CSMD3: variants seen among roughly 807,000 people sequenced by gnomAD.
CSMD3 encodes CUB and Sushi multiple domains 3, also known as CUB and sushi domain-containing protein 3.
Under a neutral mutation model 435.2 loss-of-function variants are expected in CSMD3, and 177 were observed. The observed-to-expected ratio is 0.41, with a 90% CI of 0.36 to 0.46. The LOEUF (loss-of-function observed/expected upper bound fraction) is 0.46, where lower values mean the gene tolerates loss of function less well. CSMD3 is among the 20% of genes least tolerant of loss of function. The pLI is 0.34. For synonymous variants in CSMD3, 1,656 were observed against 1,520.5 expected (o/e 1.09, Z -2.07); for missense variants, 4,265 against 4,504.6 (o/e 0.95, Z 1.52).
At chr8:113,361,118 C>G (rs1229971740) in intron 1 of CSMD3, among the ~76,000 whole-genome samples, 1 of 152,092 alleles carries the variant, frequency 6.6e-6, no homozygotes, top group Non-Finnish European at 1.5e-5. Context: ...GCTCCATCTG[C>G]TGGCTTTTGA....
chr8:113,355,795 T>TA (rs66729311), intron 1 of CSMD3, among the ~76,000 whole-genome samples: 1 of 117,868 alleles, frequency 8.5e-6, no homozygotes, highest in African/African-American at 3.4e-5. Context: ...GTGTGTGTGT[T>TA]TGTCAACTAT....
At chr8:112,854,404 G>T (rs557665373) in intron 11 of CSMD3, among the ~76,000 whole-genome samples, 10 of 152,252 alleles carry the variant, frequency 6.6e-5, no homozygotes, top group South Asian at 6.2e-4. Flanking sequence ...AGGGCAAGGG[G>T]TTGCTGCACT....
chr8:112,667,072 T>TCA (rs2075543768), intron 16 of CSMD3, among the ~76,000 whole-genome samples: 1 of 152,148 alleles, frequency 6.6e-6, no homozygotes, highest in South Asian at 2.1e-4. Context: ...TTCCCTAAGC[T>TCA]CACACACAAT....
At chr8:112,369,713 GAGTT>G (rs1219866393) in intron 38 of CSMD3, among the ~76,000 whole-genome samples, 1 of 151,862 alleles carries the variant, frequency 6.6e-6, no homozygotes, top group Admixed American at 6.6e-5. Context: ...GGCCTGTTGG[GAGTT>G]GGGGTGCAAG....
chr8:113,322,041 A>G (rs1169078726), intron 1 of CSMD3, among the ~76,000 whole-genome samples: 1 of 152,210 alleles, frequency 6.6e-6, no homozygotes, highest in East Asian at 1.9e-4. Context: ...CACCAAATTA[A>G]TGTACATACA....
chr8:112,745,489 G>A (rs955492494), intron 13 of CSMD3, among the ~76,000 whole-genome samples: 1 of 151,724 alleles, frequency 6.6e-6, no homozygotes, highest in Non-Finnish European at 1.5e-5. Context: ...CTTATAATTG[G>A]CTATGCTTTC....
At chr8:113,378,223 G>A (rs761157998) in intron 1 of CSMD3, among the ~76,000 whole-genome samples, 3 of 152,186 alleles carry the variant, frequency 2.0e-5, no homozygotes, top group Non-Finnish European at 2.9e-5. Flanking sequence ...ATGGTGTAAT[G>A]TGAAGATCCT....
rs1300131856 is a variant in CSMD3 at position 112,656,225 on chromosome 8, C to T, written c.2933G>A (p.Ser978Asn). 1.9e-6 allele frequency: 3 copies of T among 1,595,978 alleles called. No individual in the cohort carries two copies. The highest frequency in any genetic ancestry group is 1.1e-5 in the South Asian group (1 of 90,700). The change falls in exon 18 of 71, where the codon AGT (serine) becomes AAT (asparagine). Residue 978 changes from serine (S) to asparagine (N), a missense_variant. By Grantham distance (46) the Ser-to-Asn change is conservative. Coordinates refer to ENST00000297405, the MANE Select transcript of CSMD3 (RefSeq NM_198123.2). Reference sequence around the variant, plus strand: ...TGTAAATAGAAGGTATATAAAATTACTGCTACTAAATAGAAACTGGGGCAC... The same window carrying T: ...TGTAAATAGAAGGTATATAAAATTATTGCTACTAAATAGAAACTGGGGCAC... Reference protein sequence around the residue: ...TQVPQFLFSSSNFIYLLFTTD... With the variant: ...TQVPQFLFSSNNFIYLLFTTD...
chr8:112,786,438 A>C (rs2132269204), intron 13 of CSMD3, among the ~76,000 whole-genome samples: 1 of 152,284 alleles, frequency 6.6e-6, no homozygotes, highest in Middle Eastern at 3.4e-3. Flanking sequence ...TGTCAAGTTT[A>C]AAAGCTTTTG....
intron 5 of CSMD3, among the ~76,000 whole-genome samples, chr8:113,055,855 T>C (rs562607292): frequency 1.3e-5 from 2 of 152,276 alleles, no homozygotes; most frequent in South Asian, 4.2e-4. Flanking sequence ...TAAAAATTGC[T>C]CTTAAAGTTT....
Position 113,311,761 on chromosome 8 carries a change from A to T in CSMD3, c.401+2810T>A, listed in dbSNP as rs924965107. On this transcript the variant is annotated intron_variant, in intron 2 of 70. Transcript: ENST00000297405. ...CTTTCCAGTCTTGCTAACTAAAGTC[A>T]GCTATAACATTAACTACAGTACTTC... is the stretch of plus-strand genomic sequence containing the variant. 4 of 152,144 alleles carry T rather than the reference A, an allele frequency of 2.6e-5. No homozygotes were observed. The East Asian group carries it at 7.7e-4, about 29-fold the overall frequency. 9.4% of individuals were successfully genotyped at this position (152,144 alleles called of 1,614,324 possible).
At chr8:112,443,069 A>G (rs926402067) in intron 32 of CSMD3, among the ~76,000 whole-genome samples, 8 of 152,134 alleles carry the variant, frequency 5.3e-5, no homozygotes, top group African/African-American at 1.9e-4. Context: ...TCTCATTCTA[A>G]TGTTATTTCT....
At chr8:112,897,678 CTCTCTCTCTCTCTCTCTGTGTG>C (rs1225014081) in intron 10 of CSMD3, among the ~76,000 whole-genome samples, 1 of 65,690 alleles carries the variant, frequency 1.5e-5, no homozygotes, top group African/African-American at 8.4e-5. Context: ...CTCTCTCTCT[CTCTCTCTCTCTCTCTCTGTGTG>C]TGTGTGTGTG....
chr8:112,320,038 A>T, intron 45 of CSMD3, 57 bp from the exon 46 acceptor site: 1 of 1,116,766 alleles, frequency 9.0e-7, no homozygotes, highest in Non-Finnish European at 1.4e-6. Context: ...GTATTCACAT[A>T]TGCAAAAAAA....
intron 3 of CSMD3, among the ~76,000 whole-genome samples, chr8:113,189,344 C>T (rs1478921881): frequency 2.6e-5 from 4 of 151,688 alleles, no homozygotes; most frequent in East Asian, 1.9e-4. Flanking sequence ...TACTGTCAGA[C>T]TGCAGACAAT....
intron 13 of CSMD3, among the ~76,000 whole-genome samples, chr8:112,716,693 T>A (rs1278677123): frequency 2.6e-5 from 4 of 151,998 alleles, no homozygotes; most frequent in Non-Finnish European, 4.4e-5. Context: ...AGGCTACGAT[T>A]ACCAAAACAG....
At chr8:112,848,575 G>C (rs942133901) in intron 11 of CSMD3, among the ~76,000 whole-genome samples, 3 of 151,956 alleles carry the variant, frequency 2.0e-5, no homozygotes, top group African/African-American at 7.3e-5. Flanking sequence ...TTGGAATAAG[G>C]GATGGGATGA....
At chr8:112,783,789 G>A (rs1371123380) in intron 13 of CSMD3, among the ~76,000 whole-genome samples, 1 of 151,342 alleles carries the variant, frequency 6.6e-6, no homozygotes, top group African/African-American at 2.4e-5. Context: ...AGCAGGAGTG[G>A]CTATACTTAT....
chr8:112,491,241 C>T (rs552896289), intron 31 of CSMD3, among the ~76,000 whole-genome samples: 16 of 152,112 alleles, frequency 1.1e-4, no homozygotes, highest in Non-Finnish European at 1.5e-4. Flanking sequence ...GTAAAAAATG[C>T]AATTTATATC....
Sources: allele counts gnomAD v4.1 joint callset (sites outside exome capture counted in the v4.1 genomes callset), GRCh38; gene constraint gnomAD v4.1.1; transcripts MANE v1.5; gene names NCBI Gene and HGNC (gene_info 2026-07-23, HGNC 2026-07-21).